Variants in USH2A observed in about 807,000 individuals in gnomAD.
USH2A encodes the protein Usher syndrome 2A (autosomal recessive, mild).
Under a neutral mutation model 538.9 loss-of-function variants are expected in USH2A, and 443 were observed. The ratio of observed to expected loss-of-function variants is 0.82; its 90% CI spans 0.76 to 0.89. USH2A has a LOEUF of 0.89. Ranked by LOEUF, USH2A falls within the 40% of genes least tolerant of loss-of-function variation. The pLI is 0.00. For missense variants in USH2A, 6,633 were observed against 6,324.8 expected, an observed-to-expected ratio of 1.05 and a Z score of -1.65; for synonymous variants, 2,413 against 2,273.5, an observed-to-expected ratio of 1.06 and a Z score of -1.75.
At chr1:216,407,696 T>C (rs2039418774) in intron 3 of USH2A, among the ~76,000 whole-genome samples, 1 of 152,196 alleles carries the variant, frequency 6.6e-6, no homozygotes, top group African/African-American at 2.4e-5. Context: ...GTGCGAATTG[T>C]TCATGTATAA....
intron 30 of USH2A, among the ~76,000 whole-genome samples, chr1:216,049,485 C>T (rs1039035615): frequency 7.2e-5 from 11 of 152,114 alleles, no homozygotes; most frequent in Non-Finnish European, 1.6e-4. Context: ...TGTGCTTTTG[C>T]TCACCACTGT....
chr1:216,356,865 T>G (rs2038399968), intron 4 of USH2A, among the ~76,000 whole-genome samples: 1 of 152,146 alleles, frequency 6.6e-6, no homozygotes, highest in African/African-American at 2.4e-5. Context: ...GTTTTCGCAT[T>G]TTTACTTTTG....
chr1:216,323,605 G>C lies in USH2A; in HGVS notation c.1419C>G (p.Thr473=). 6.2e-7 allele frequency: 1 copy of C among 1,613,134 alleles called. No homozygotes were observed. Among genetic ancestry groups the C allele is most frequent in the Non-Finnish European group, 8.5e-7 (1 of 1,179,660 alleles). Residue 473 remains threonine, a synonymous_variant, in exon 8 of 72, where the codon ACC becomes ACG. Transcript: ENST00000307340. The part of the protein sequence containing the change: ...YRPGYNNFYN[T]PSLQEFVKAT... Reference sequence around the variant, plus strand: ...CTTTTACGAACTCTTGAAGAGATGGGGTATTATAGAAGTTATTGTATCCAG... The same window carrying C: ...CTTTTACGAACTCTTGAAGAGATGGCGTATTATAGAAGTTATTGTATCCAG...
At position 215,650,683 on chromosome 1, in the gene USH2A, G is replaced by A. The variant is rs1325851184; in HGVS notation, c.14252C>T (p.Ala4751Val). Residue 4751 changes from alanine to valine, a missense_variant, in exon 65 of 72, where the codon GCA (alanine) becomes GTA (valine). Physicochemically the swap from Ala to Val is moderately conservative, Grantham distance 64. Transcript: ENST00000307340. ...PTFHVISSTQAVVNISAPGKP... is the reference protein window; with the variant it reads ...PTFHVISSTQVVVNISAPGKP... ...CCCAGGGGCACTGATGTTGACCACT[G>A]CTTGGGTAGAAGAGATCACATGGAA... The A allele has an allele frequency of 6.2e-7, 1 of 1,614,086 alleles. No individual in the cohort carries two copies. The highest frequency in any genetic ancestry group is 8.5e-7 in the Non-Finnish European group (1 of 1,180,032).
rs552023994 is a variant in USH2A at position 215,987,838 on chromosome 1, G to A, written c.6805+5182C>T. 1.8e-4 allele frequency among the ~76,000 whole-genome samples: 28 copies of A among 152,290 alleles called. 1 individual carries two copies. In the South Asian group the frequency reaches 5.8e-3, roughly 32 times the overall value. On this transcript the variant is annotated intron_variant, in intron 35 of 71. Coordinates refer to ENST00000307340, the MANE Select transcript of USH2A (RefSeq NM_206933.4). ...AAAGATGTTTGCACCATATTGTGAA[G>A]TGAGAAAAGTAAATTCCACAACAAC... is the stretch of plus-strand genomic sequence containing the variant.
At chr1:215,912,459 ATATATATATATATATACG>A (rs1361657081) in intron 38 of USH2A, among the ~76,000 whole-genome samples, 1 of 30,578 alleles carries the variant, frequency 3.3e-5, no homozygotes, top group Non-Finnish European at 6.8e-5. Flanking sequence ...ATGTGTATAT[ATATATATATATATATACG>A]TATATATATA....
At chr1:215,905,966 G>A (rs576622047) in intron 38 of USH2A, among the ~76,000 whole-genome samples, 56 of 152,058 alleles carry the variant, frequency 3.7e-4, no homozygotes, top group African/African-American at 1.3e-3. Context: ...ATCATTTTCC[G>A]AAATAGCTAC....
intron 3 of USH2A, among the ~76,000 whole-genome samples, chr1:216,394,840 T>G (rs1369466092): frequency 6.6e-6 from 1 of 150,568 alleles, no homozygotes; most frequent in African/African-American, 2.4e-5. Context: ...TGCCTCAGCC[T>G]CCCAAGTAGC....
At chr1:215,702,273 T>A (rs141005357) in intron 61 of USH2A, among the ~76,000 whole-genome samples, 2 of 152,300 alleles carry the variant, frequency 1.3e-5, no homozygotes, top group African/African-American at 4.8e-5. Context: ...ATTTCAACTT[T>A]GGTGAATCTG....
intron 21 of USH2A, among the ~76,000 whole-genome samples, chr1:216,107,075 T>A (rs2032752696): frequency 6.6e-6 from 1 of 151,948 alleles, no homozygotes; most frequent in South Asian, 2.1e-4. Context: ...CAAATATACA[T>A]ACTTTCCATG....
intron 70 of USH2A, among the ~76,000 whole-genome samples, chr1:215,634,194 C>T (rs1015843611): frequency 6.6e-6 from 1 of 152,152 alleles, no homozygotes; most frequent in Non-Finnish European, 1.5e-5. Flanking sequence ...TACCAATCTT[C>T]AGGCCCTACT....
Position 216,130,291 on chromosome 1 carries a change from C to T in USH2A, c.4628-33078G>A, listed in dbSNP as rs187429595. On this transcript the variant is annotated intron_variant, in intron 21 of 71. Coordinates refer to ENST00000307340, the MANE Select transcript of USH2A (RefSeq NM_206933.4). Reference sequence around the variant, plus strand: ...GTATAAACTGTACCCTATTTGTAGTCTTTTATCCCTCACTGCCTTCCCACC... The same window carrying T: ...GTATAAACTGTACCCTATTTGTAGTTTTTTATCCCTCACTGCCTTCCCACC... Among the ~76,000 whole-genome samples the T allele has an allele frequency of 4.6e-5, 7 of 151,654 alleles. No homozygotes were observed. The East Asian group carries it at 1.4e-3, about 29-fold the overall frequency.
At chr1:215,961,027 G>C (rs1230923268) in intron 37 of USH2A, among the ~76,000 whole-genome samples, 1 of 151,998 alleles carries the variant, frequency 6.6e-6, no homozygotes, top group African/African-American at 2.4e-5. Context: ...CAAACTAGTT[G>C]AGAGTCTAAT....
intron 26 of USH2A, among the ~76,000 whole-genome samples, 182 bp from the exon 27 acceptor site, chr1:216,078,544 A>G (rs1364688634): frequency 2.6e-5 from 4 of 152,144 alleles, no homozygotes; most frequent in Non-Finnish European, 5.9e-5. Context: ...TTTCTAGCTT[A>G]TAGTTGACAT....
chr1:216,117,783 C>G (rs541664894), intron 21 of USH2A, among the ~76,000 whole-genome samples: 1 of 150,506 alleles, frequency 6.6e-6, no homozygotes, highest in Non-Finnish European at 1.5e-5. Flanking sequence ...AACACAGACA[C>G]ACATACACAC....
chr1:215,806,767 C>T (rs1243837611), intron 49 of USH2A, among the ~76,000 whole-genome samples: 3 of 152,042 alleles, frequency 2.0e-5, no homozygotes, highest in African/African-American at 7.2e-5. Context: ...GATTGCACTC[C>T]CCCATTTCCC....
At chr1:215,734,364 C>T (rs1660092976) in intron 60 of USH2A, among the ~76,000 whole-genome samples, 1 of 152,186 alleles carries the variant, frequency 6.6e-6, no homozygotes, top group African/African-American at 2.4e-5. Flanking sequence ...CCTCCTAGGC[C>T]TCTGGGCTTG....
chr1:216,020,823 G>T (rs548012182), intron 32 of USH2A, among the ~76,000 whole-genome samples: 3 of 152,296 alleles, frequency 2.0e-5, no homozygotes, highest in Middle Eastern at 3.4e-3. Context: ...GAGGAGGTTT[G>T]TCATCTGGCT....
chr1:216,188,465 T>C (rs926257600), intron 20 of USH2A, among the ~76,000 whole-genome samples: 3 of 151,676 alleles, frequency 2.0e-5, no homozygotes, highest in East Asian at 1.9e-4. Flanking sequence ...GGAACCACCA[T>C]GATATGCAGC....
Sources: allele counts gnomAD v4.1 joint callset (sites outside exome capture counted in the v4.1 genomes callset), GRCh38; gene constraint gnomAD v4.1.1; transcripts MANE v1.5; gene names NCBI Gene and HGNC (gene_info 2026-07-23, HGNC 2026-07-21).